Variants in RFX4 observed in about 807,000 individuals in gnomAD.
RFX4 encodes transcription factor RFX4.
A neutral mutation model predicts 95.0 loss-of-function variants in RFX4; 10 were observed. The observed-to-expected ratio is 0.11, with a 90% CI of 0.06 to 0.18. The LOEUF is 0.18. Ranked by LOEUF, RFX4 falls within the 10% of genes least tolerant of loss-of-function variation. The pLI is 1.00. For synonymous variants in RFX4, 321 were observed against 340.7 expected (o/e 0.94, Z 0.64); for missense variants, 640 against 922.0 (o/e 0.69, Z 3.96).
chr12:106,719,563 T>G (rs2042358664), intron 11 of RFX4, among the ~76,000 whole-genome samples: 1 of 152,066 alleles, frequency 6.6e-6, no homozygotes, highest in African/African-American at 2.4e-5. Flanking sequence ...AAGTGCTATG[T>G]GAGTGCAGAG....
At chr12:106,694,600 A>C (rs928916258) in intron 7 of RFX4, among the ~76,000 whole-genome samples, 3 of 152,244 alleles carry the variant, frequency 2.0e-5, no homozygotes, top group Non-Finnish European at 4.4e-5. Context: ...CATAGGCTCT[A>C]TCTCAGCCAT....
intron 1 of RFX4, among the ~76,000 whole-genome samples, chr12:106,604,072 G>C (rs915316076): frequency 4.7e-5 from 7 of 150,224 alleles, no homozygotes; most frequent in Non-Finnish European, 1.5e-5. Context: ...CTAGAGGGCA[G>C]AAGCCAGTCT....
chr12:106,627,298 T>C (rs1371753757), intron 2 of RFX4, among the ~76,000 whole-genome samples: 1 of 152,084 alleles, frequency 6.6e-6, no homozygotes, highest in Non-Finnish European at 1.5e-5. Flanking sequence ...AGAATTTTGG[T>C]AGGCCGAGGC....
At chr12:106,618,197 T>C (rs774591001) in intron 2 of RFX4, among the ~76,000 whole-genome samples, 4 of 151,632 alleles carry the variant, frequency 2.6e-5, no homozygotes, top group Non-Finnish European at 5.9e-5. Flanking sequence ...TATATACATA[T>C]GTATATAGAT....
chr12:106,733,361 C>T (rs2042649841), intron 15 of RFX4: 1 of 307,342 alleles, frequency 3.3e-6, no homozygotes, highest in African/African-American at 2.1e-5. Context: ...ATTCTTCTCC[C>T]ACAATCTCCA....
chr12:106,622,964 A>G (rs549106253), intron 2 of RFX4, among the ~76,000 whole-genome samples: 192 of 151,624 alleles, frequency 1.3e-3, no homozygotes, highest in African/African-American at 3.8e-3. Context: ...AGTCTTGCCC[A>G]AAGTCACATA....
At chr12:106,638,726 G>A (rs1057258476) in intron 2 of RFX4, among the ~76,000 whole-genome samples, 4 of 152,208 alleles carry the variant, frequency 2.6e-5, no homozygotes, top group African/African-American at 9.6e-5. Context: ...AGATTTGGGT[G>A]TGGTGAGGGC....
At chr12:106,758,318 C>T (rs999693965) in intron 17 of RFX4, among the ~76,000 whole-genome samples, 27 of 152,198 alleles carry the variant, frequency 1.8e-4, no homozygotes, top group Admixed American at 1.4e-3. Context: ...ACAGGGAAAA[C>T]GAGTCACTGA....
At chr12:106,675,813 C>G (rs929709318) in intron 4 of RFX4, among the ~76,000 whole-genome samples, 1 of 152,112 alleles carries the variant, frequency 6.6e-6, no homozygotes, top group African/African-American at 2.4e-5. Flanking sequence ...CAGAGTAAGA[C>G]AGAACACAGT....
intron 5 of RFX4, among the ~76,000 whole-genome samples, chr12:106,686,349 G>T (rs12321421): frequency 0.13 from 20,284 of 150,550 alleles, 1,586 homozygotes; most frequent in East Asian, 0.27. Context: ...AGGCGTGGAG[G>T]TTCAGTAAGC....
At position 106,630,585 on chromosome 12, in the gene RFX4, G is replaced by T. The variant is rs183593033; in HGVS notation, c.131-8747G>T. 5.3e-5 allele frequency among the ~76,000 whole-genome samples: 8 copies of T among 152,208 alleles called. No homozygotes were observed. The East Asian group carries it at 1.5e-3, about 29-fold the overall frequency. On this transcript the variant is annotated intron_variant, in intron 2 of 17. Transcript: ENST00000392842. ...CGAGGCAAATGAGGGGAAATGAAAC[G>T]TTTGGCAGCCCCATGTTCCCAACAG...
At chr12:106,613,327 A>G (rs946569223) in intron 2 of RFX4, among the ~76,000 whole-genome samples, 27 of 150,476 alleles carry the variant, frequency 1.8e-4, no homozygotes, top group Admixed American at 4.6e-4. Flanking sequence ...ATGCTGCTGA[A>G]TTCTGTTTGT....
At chr12:106,749,987 G>C (rs969360616) in intron 16 of RFX4, among the ~76,000 whole-genome samples, 1 of 152,102 alleles carries the variant, frequency 6.6e-6, no homozygotes, top group African/African-American at 2.4e-5. Context: ...TTTGATTTCA[G>C]GATACAACAG....
At chr12:106,725,499 A>C (rs1221940591) in intron 13 of RFX4, among the ~76,000 whole-genome samples, 3 of 152,266 alleles carry the variant, frequency 2.0e-5, no homozygotes, top group Non-Finnish European at 4.4e-5. Context: ...TGGAGTAATG[A>C]GAAGAGAATC....
At chr12:106,690,184 T>G (rs965895638) in intron 7 of RFX4, among the ~76,000 whole-genome samples, 1 of 151,990 alleles carries the variant, frequency 6.6e-6, no homozygotes, top group African/African-American at 2.4e-5. Flanking sequence ...CCTTTAGGAG[T>G]AAATGTTTGT....
At chr12:106,702,990 G>A (rs1031487458) in intron 8 of RFX4, among the ~76,000 whole-genome samples, 2 of 152,196 alleles carry the variant, frequency 1.3e-5, no homozygotes, top group African/African-American at 4.8e-5. Flanking sequence ...GCAAATAGAT[G>A]TGAACTTCTT....
intron 8 of RFX4, among the ~76,000 whole-genome samples, chr12:106,706,215 T>C (rs780624797): frequency 2.0e-5 from 3 of 152,230 alleles, no homozygotes; most frequent in Non-Finnish European, 2.9e-5. Flanking sequence ...AGGTCCGGAA[T>C]GCAGAGAAAG....
intron 15 of RFX4, among the ~76,000 whole-genome samples, chr12:106,741,558 T>C (rs1202699033): frequency 6.6e-6 from 1 of 152,214 alleles, no homozygotes; most frequent in African/African-American, 2.4e-5. Flanking sequence ...TTAAATTGTA[T>C]TTAGTTTTAA....
intron 3 of RFX4, among the ~76,000 whole-genome samples, chr12:106,642,585 G>A (rs569678888): frequency 6.6e-6 from 1 of 152,210 alleles, no homozygotes; most frequent in South Asian, 2.1e-4. Context: ...CTGTACTCAA[G>A]CCTGGGTGAC....
Sources: gnomAD v4.1 joint callset for allele counts (sites outside exome capture counted in the v4.1 genomes callset) on GRCh38, gnomAD v4.1.1 for gene constraint, MANE v1.5 for transcripts, NCBI Gene and HGNC (gene_info 2026-07-23, HGNC 2026-07-21) for gene names.